The following CCND3 variants were observed in gnomAD, a reference collection of about 807,000 sequenced individuals.
CCND3 encodes the protein G1/S-specific cyclin-D3.
A neutral mutation model predicts 28.7 loss-of-function variants in CCND3; 9 were observed. That is an observed-to-expected ratio of 0.31 (90% CI 0.19 to 0.55). CCND3 has a LOEUF of 0.55. Among genes scored for constraint, CCND3 ranks in the 20% least tolerant of loss-of-function variants. The pLI is 0.93. For synonymous variants in CCND3, 164 were observed against 163.9 expected (o/e 1.00, Z 0.00); for missense variants, 315 against 385.8 (o/e 0.82, Z 1.54).
chr6:41,997,533 T>TGAGG (rs1762845114), intron 1 of CCND3, among the ~76,000 whole-genome samples: 2 of 152,132 alleles, frequency 1.3e-5, no homozygotes, highest in African/African-American at 4.8e-5. Flanking sequence ...CTTCCTCATT[T>TGAGG]AAGAGGCCAT....
rs779634736 is a variant in CCND3, at chr6:41,936,033, G to A, written c.786C>T (p.Ser262=). The part of the protein sequence containing the change: ...RESLREASQT[S]SSPAPKAPRG... The stretch of plus-strand genomic sequence containing the variant: ...GGGGGGCTTTGGGCGCTGGGCTGGA[G>A]CTGGTCTGAGAGGCTTCCCTGAGGC... Residue 262 remains serine, a synonymous_variant, in exon 5 of 5, where the codon AGC becomes AGT. Coordinates refer to ENST00000372991, the MANE Select transcript of CCND3 (RefSeq NM_001760.5). This position sits in a 1 kb window ranked among gnomAD's most constrained non-coding sequence, Gnocchi z 4.4. 1.2e-6 allele frequency: 2 copies of A among 1,613,516 alleles called. No individual in the cohort carries two copies. The highest frequency in any genetic ancestry group is 1.7e-6 in the Non-Finnish European group (2 of 1,179,696).
In CCND3 at chr6:41,938,496, G is replaced by C. The variant is rs1775882469; in HGVS notation, c.415-1102C>G. ...GATAAATTACAACGCTACCCCTAGT[G>C]CATGTCCCAGGAGCCAACTCCTAAC... On this transcript the variant is annotated intron_variant, in intron 2 of 4. Transcript: ENST00000372991. The surrounding 1 kb of genome is among the most constrained non-coding windows in gnomAD (Gnocchi z 4.6). 6.6e-6 allele frequency among the ~76,000 whole-genome samples: 1 copy of C among 152,138 alleles called. No homozygotes were observed. Among genetic ancestry groups the C allele is most frequent in the South Asian group, 2.1e-4 (1 of 4,826 alleles).
chr6:41,991,708 T>C (rs903919060), intron 1 of CCND3, among the ~76,000 whole-genome samples: 7 of 152,216 alleles, frequency 4.6e-5, no homozygotes, highest in Non-Finnish European at 7.3e-5. Flanking sequence ...TATGTAGCTG[T>C]AATTTTGTAA....
At chr6:42,015,747 C>G (rs1453140793) in intron 1 of CCND3, among the ~76,000 whole-genome samples, 1 of 151,492 alleles carries the variant, frequency 6.6e-6, no homozygotes, top group African/African-American at 2.4e-5. Flanking sequence ...TTTAAATTGA[C>G]AAATAAAAAT....
At chr6:41,965,015 G>A (rs1761844660) in intron 1 of CCND3, among the ~76,000 whole-genome samples, 1 of 147,420 alleles carries the variant, frequency 6.8e-6, no homozygotes, top group Non-Finnish European at 1.5e-5. Context: ...AGGAATCCAA[G>A]TGGAAGAACA....
At chr6:41,988,044 G>A (rs1421829472) in intron 1 of CCND3, among the ~76,000 whole-genome samples, 7 of 151,874 alleles carry the variant, frequency 4.6e-5, no homozygotes, top group Non-Finnish European at 1.0e-4. Context: ...GACCAGGCAC[G>A]GTGGCTTATG....
chr6:42,038,606 G>T (rs1317862840), intron 1 of CCND3, among the ~76,000 whole-genome samples: 1 of 150,456 alleles, frequency 6.6e-6, no homozygotes, highest in African/African-American at 2.4e-5. Context: ...AAATAATAGT[G>T]ATTATAGAAA....
intron 1 of CCND3, among the ~76,000 whole-genome samples, chr6:41,949,871 G>A (rs1776260146): frequency 6.6e-6 from 1 of 151,240 alleles, no homozygotes; most frequent in Non-Finnish European, 1.5e-5. Flanking sequence ...GAGGCGGGCG[G>A]ATCACAAGGT....
chr6:41,992,466 T>TTG (rs1762679736), intron 1 of CCND3, among the ~76,000 whole-genome samples: 1 of 148,180 alleles, frequency 6.7e-6, no homozygotes, highest in South Asian at 2.2e-4. Flanking sequence ...CCAGCCGGTT[T>TTG]TTTTTTTTTT....
intron 1 of CCND3, among the ~76,000 whole-genome samples, chr6:41,963,181 C>T (rs1344930798): frequency 6.6e-6 from 1 of 152,250 alleles, no homozygotes; most frequent in Non-Finnish European, 1.5e-5. Context: ...TTTTGCTCAG[C>T]TCACACACTT....
chr6:42,030,533 G>C (rs766750250), intron 1 of CCND3, among the ~76,000 whole-genome samples: 3 of 152,116 alleles, frequency 2.0e-5, no homozygotes, highest in Non-Finnish European at 2.9e-5. Context: ...TGGAGGGCAA[G>C]GCCCACCCAC....
intron 1 of CCND3, among the ~76,000 whole-genome samples, chr6:42,028,440 T>G (rs1763944984): frequency 6.6e-6 from 1 of 152,222 alleles, no homozygotes; most frequent in Non-Finnish European, 1.5e-5. Flanking sequence ...GCCCATCTCA[T>G]TTTTGTCTGC....
In CCND3 at chr6:41,941,665, A is replaced by G; in HGVS notation, c.-16T>C. ...GCAGCTCCATACTCGGGCAGCGAAC[A>G]GGCAGGGCGGGAGTGCGGGCTCGCG... On this transcript the variant is annotated 5_prime_UTR_variant, in exon 1 of 5. Coordinates refer to ENST00000372991, the MANE Select transcript of CCND3 (RefSeq NM_001760.5). The surrounding 1 kb of genome is among the most constrained non-coding windows in gnomAD (Gnocchi z 6.1). The G allele has an allele frequency of 7.1e-7, 1 of 1,408,282 alleles. No homozygotes were observed. Among genetic ancestry groups the G allele is most frequent in the Non-Finnish European group, 9.2e-7 (1 of 1,082,004 alleles). The allele number at this position is 1,408,282 out of a possible 1,614,324, so 87.2% of individuals were successfully genotyped here.
At chr6:41,996,352 G>T (rs1377333777) in intron 1 of CCND3, among the ~76,000 whole-genome samples, 2 of 151,752 alleles carry the variant, frequency 1.3e-5, no homozygotes, top group African/African-American at 4.8e-5. Flanking sequence ...GTTTCACCAT[G>T]TTGGCCAGGC....
Position 42,026,198 on chromosome 6 carries a change from G to C in CCND3, c.-46+22303C>G, listed in dbSNP as rs539629450. Among the ~76,000 whole-genome samples, 3 of 152,190 alleles carry C rather than the reference G, an allele frequency of 2.0e-5. 1 individual carries two copies. The South Asian group carries it at 6.2e-4, about 32-fold the overall frequency. ...CCTCGACCCTGCTCACATTACATTTGACCTTCTCAACGACCTCTCTAAGGG... is the reference window on the plus strand; with the variant it reads ...CCTCGACCCTGCTCACATTACATTTCACCTTCTCAACGACCTCTCTAAGGG... On this transcript the variant is annotated intron_variant, in intron 1 of 4. Coordinates refer to the CCND3 transcript ENST00000372988.
At chr6:41,994,163 C>T (rs1762732037) in intron 1 of CCND3, among the ~76,000 whole-genome samples, 1 of 151,554 alleles carries the variant, frequency 6.6e-6, no homozygotes, top group Non-Finnish European at 1.5e-5. Flanking sequence ...TTTTCCACCT[C>T]TAGATAGACA....
chr6:42,007,739 A>G (rs1561984254), intron 1 of CCND3, among the ~76,000 whole-genome samples: 1 of 152,260 alleles, frequency 6.6e-6, no homozygotes. Context: ...AGAGCCAGAA[A>G]GGGCTGGACA....
chr6:41,943,464 C>G (rs1457202773), upstream of CCND3, among the ~76,000 whole-genome samples: 3 of 152,046 alleles, frequency 2.0e-5, no homozygotes, highest in African/African-American at 7.2e-5. Flanking sequence ...GTAATAGGGA[C>G]ATAATATACC....
chr6:42,042,580 G>A (rs1463764000), intron 1 of CCND3, among the ~76,000 whole-genome samples: 2 of 152,166 alleles, frequency 1.3e-5, no homozygotes, highest in East Asian at 1.9e-4. Flanking sequence ...GGGTGGTCTC[G>A]AACTCCTGGC....
Sources: gnomAD v4.1 joint callset for allele counts (sites outside exome capture counted in the v4.1 genomes callset) on GRCh38, gnomAD v4.1.1 for gene constraint, Gnocchi (gnomAD v3.1) non-coding constraint, MANE v1.5 for transcripts, NCBI Gene and HGNC (gene_info 2026-07-23, HGNC 2026-07-21) for gene names.